CACNA1A: variants seen among roughly 807,000 people sequenced by gnomAD.
CACNA1A encodes voltage-dependent P/Q-type calcium channel subunit alpha-1A.
In CACNA1A, 57 loss-of-function variants were observed where a neutral mutation model predicts 262.4. That is an observed-to-expected ratio of 0.22 (90% CI 0.18 to 0.27). CACNA1A has a LOEUF of 0.27. Ranked by LOEUF, CACNA1A falls within the 10% of genes least tolerant of loss-of-function variation. The probability of loss-of-function intolerance (pLI) is 1.00; values close to 1 mark genes in which losing one functional copy is unlikely to be tolerated. For synonymous variants in CACNA1A, 1,431 were observed against 1,419.3 expected, an observed-to-expected ratio of 1.01 and a Z score of -0.18; for missense variants, 2,526 against 3,562.8, an observed-to-expected ratio of 0.71 and a Z score of 7.41.
chr19:13,448,708 A>G (rs990551758), intron 3 of CACNA1A, among the ~76,000 whole-genome samples: 6 of 152,188 alleles, frequency 3.9e-5, no homozygotes, highest in African/African-American at 1.4e-4. Context: ...CGTGCCCTAG[A>G]GAAACTCACT....
intron 19 of CACNA1A, among the ~76,000 whole-genome samples, chr19:13,293,486 C>T (rs545232464): frequency 7.7e-6 from 1 of 129,806 alleles, no homozygotes. Flanking sequence ...CGCTCTGTCT[C>T]CCCGGCTGGA....
chr19:13,323,834 A>C (rs1363458240), intron 10 of CACNA1A, among the ~76,000 whole-genome samples: 1 of 152,164 alleles, frequency 6.6e-6, no homozygotes, highest in Non-Finnish European at 1.5e-5. Context: ...CTGTCCAAAA[A>C]ATCATTCCCG....
rs34775168 is a variant in CACNA1A at position 13,409,376 on chromosome 19, C to CTG, written c.540-37599_540-37598dup. Among the ~76,000 whole-genome samples, 1,332 of 149,108 alleles carry CTG rather than the reference C, an allele frequency of 8.9e-3. 14 individuals carry two copies. The highest frequency in any genetic ancestry group is 0.023 in the African/African-American group (939 of 40,820). ...TGAAATGGTTGATCCTTTGACAATC[C>CTG]TGTGTGTGTGTGTGTGTGTGTTGTG... is the stretch of plus-strand genomic sequence containing the variant. On this transcript the variant is annotated intron_variant, in intron 3 of 46. Coordinates refer to ENST00000360228, the MANE Select transcript of CACNA1A (RefSeq NM_001127222.2).
At chr19:13,228,000 A>C (rs2144613150) in intron 36 of CACNA1A, among the ~76,000 whole-genome samples, 1 of 134,168 alleles carries the variant, frequency 7.5e-6, no homozygotes, top group South Asian at 2.4e-4. Flanking sequence ...TGCAGCCTCC[A>C]CCTCCTGGGC....
Position 13,308,531 on chromosome 19 carries a change from A to G in CACNA1A, c.1669-3T>C, listed in dbSNP as rs750090822. The G allele has an allele frequency of 3.8e-6, 6 of 1,587,630 alleles. No individual in the cohort carries two copies. Among genetic ancestry groups the G allele is most frequent in the South Asian group, 1.1e-5 (1 of 89,228 alleles). ...TCGAAGATGCTCCCAATGATAACCT[A>G]GGGCAGAGAACCTGGTCTCATGTCC... On this transcript the variant is annotated splice_region_variant and splice_polypyrimidine_tract_variant and intron_variant, in intron 12 of 46. Coordinates refer to ENST00000360228, the MANE Select transcript of CACNA1A (RefSeq NM_001127222.2). The surrounding 1 kb of genome is among the most constrained non-coding windows in gnomAD (Gnocchi z 4.2).
intron 37 of CACNA1A, chr19:13,225,001 T>C (rs529239840): frequency 5.6e-5 from 24 of 429,256 alleles, no homozygotes; most frequent in African/African-American, 4.6e-4. Context: ...TCTCCTTTTT[T>C]CCCCCACCTG....
At chr19:13,468,601 A>G (rs1489939699) in intron 1 of CACNA1A, among the ~76,000 whole-genome samples, 2 of 152,176 alleles carry the variant, frequency 1.3e-5, no homozygotes, top group Non-Finnish European at 2.9e-5. Context: ...AGCTTGGTCA[A>G]CATGGTGAAA....
In CACNA1A at chr19:13,455,088, G is replaced by A. The variant is rs753025176; in HGVS notation, c.399+19C>T. The stretch of plus-strand genomic sequence containing the variant: ...CTGCTAAAGCCAAGGAGAAGACCCT[G>A]AGAAAAGACATCACTCACCAGCCGT... On this transcript the variant is annotated intron_variant, in intron 2 of 46. Coordinates refer to ENST00000360228, the MANE Select transcript of CACNA1A (RefSeq NM_001127222.2). The A allele has an allele frequency of 6.7e-7, 1 of 1,498,856 alleles. No homozygotes were observed. Among genetic ancestry groups the A allele is most frequent in the South Asian group, 1.1e-5 (1 of 88,376 alleles). 92.8% of individuals were successfully genotyped at this position (1,498,856 alleles called of 1,614,324 possible). A position where few individuals can be genotyped will look rare whatever the true frequency, so the allele number is the denominator to read the frequency against.
chr19:13,235,248 G>T lies in CACNA1A; in HGVS notation c.5094C>A (p.Ile1698=), dbSNP rs201844207. 9 of 1,600,214 alleles carry T rather than the reference G, an allele frequency of 5.6e-6. No homozygotes were observed. The highest frequency in any genetic ancestry group is 6.8e-6 in the Non-Finnish European group (8 of 1,173,462). ...TGGCATAGATGAAGAAGAGCATGGC[G>T]ATCAGCAGACAGACATAAGGCAGGG... ...FKALPYVCLL[I]AMLFFIYAII... is the part of the protein sequence containing the mutation. Residue 1698 remains isoleucine, a synonymous_variant, in exon 33 of 47, where the codon ATC becomes ATA. Coordinates refer to ENST00000360228, the MANE Select transcript of CACNA1A (RefSeq NM_001127222.2).
At position 13,206,836 on chromosome 19, in the gene CACNA1A, C is replaced by G. The variant is rs1417780835; in HGVS notation, c.*477G>C. Reference sequence around the variant, plus strand: ...TTCTGGTTCCTTCTGGCTTCTTTGCCGCACTCGGCCACCAGCTGTCTTCAT... The same window carrying G: ...TTCTGGTTCCTTCTGGCTTCTTTGCGGCACTCGGCCACCAGCTGTCTTCAT... On this transcript the variant is annotated 3_prime_UTR_variant, in exon 47 of 47. Coordinates refer to ENST00000360228, the MANE Select transcript of CACNA1A (RefSeq NM_001127222.2). 6.5e-6 allele frequency: 1 copy of G among 154,552 alleles called. No homozygotes were observed. The highest frequency in any genetic ancestry group is 2.4e-5 in the African/African-American group (1 of 41,248). 9.6% of individuals were successfully genotyped at this position (154,552 alleles called of 1,614,324 possible). A position where few individuals can be genotyped will look rare whatever the true frequency, so the allele number is the denominator to read the frequency against.
intron 6 of CACNA1A, among the ~76,000 whole-genome samples, chr19:13,346,970 G>A (rs1406140618): frequency 1.3e-5 from 2 of 150,906 alleles, no homozygotes; most frequent in Non-Finnish European, 3.0e-5. Flanking sequence ...ATGAGCCACC[G>A]TGCCAGGCTG....
At chr19:13,413,093 GTTTTTTGTTTTTT>G (rs144487381) in intron 3 of CACNA1A, among the ~76,000 whole-genome samples, 16,498 of 139,396 alleles carry the variant, frequency 0.12, 2,063 homozygotes, top group African/African-American at 0.31. Context: ...TCTACAAAAA[GTTTTTTGTTTTTT>G]TTTTTTGTTT....
chr19:13,227,537 C>T lies in CACNA1A; in HGVS notation c.5529-10G>A. 6.6e-7 allele frequency: 1 copy of T among 1,515,412 alleles called. No individual in the cohort carries two copies. Among genetic ancestry groups the T allele is most frequent in the South Asian group, 1.3e-5 (1 of 78,962 alleles). 93.9% of individuals were successfully genotyped at this position (1,515,412 alleles called of 1,614,324 possible). The stretch of plus-strand genomic sequence containing the variant: ...GTAAGGCATGCGGCCCCTGGCAGCA[C>T]CGAAAATGAAAAAAACAAAAACAAA... On this transcript the variant is annotated splice_polypyrimidine_tract_variant and intron_variant, in intron 36 of 46. Coordinates refer to ENST00000360228, the MANE Select transcript of CACNA1A (RefSeq NM_001127222.2).
chr19:13,224,173 A>T (rs1326584216), intron 38 of CACNA1A, among the ~76,000 whole-genome samples: 1 of 151,924 alleles, frequency 6.6e-6, no homozygotes, highest in East Asian at 1.9e-4. Context: ...AAATATAAAA[A>T]ATTAGCCGGG....
intron 1 of CACNA1A, among the ~76,000 whole-genome samples, chr19:13,504,346 G>A (rs184820916): frequency 4.3e-4 from 65 of 152,232 alleles, no homozygotes; most frequent in African/African-American, 1.6e-3. Flanking sequence ...AGATGGCATC[G>A]TAGTTAGAGG....
chr19:13,386,407 G>A (rs992335070), intron 3 of CACNA1A, among the ~76,000 whole-genome samples: 2 of 152,164 alleles, frequency 1.3e-5, no homozygotes, highest in Non-Finnish European at 2.9e-5. Flanking sequence ...TGAGTCACAT[G>A]GTAAGAGACA....
At chr19:13,434,649 C>G (rs1490301932) in intron 3 of CACNA1A, among the ~76,000 whole-genome samples, 1 of 152,142 alleles carries the variant, frequency 6.6e-6, no homozygotes, top group Non-Finnish European at 1.5e-5. Context: ...GCTTTACCTT[C>G]TGCCATGATT....
intron 1 of CACNA1A, among the ~76,000 whole-genome samples, chr19:13,494,846 A>AC (rs1981306374): frequency 6.6e-6 from 1 of 151,958 alleles, no homozygotes. Context: ...GGGGGAAATC[A>AC]CCCCCATGAT....
chr19:13,240,977 T>C (rs1194252027), intron 31 of CACNA1A, among the ~76,000 whole-genome samples: 3 of 152,244 alleles, frequency 2.0e-5, no homozygotes, highest in Non-Finnish European at 2.9e-5. Context: ...TGCCTGGCCT[T>C]CAGGTCTCCT....
Sources: gnomAD v4.1 joint callset for allele counts (sites outside exome capture counted in the v4.1 genomes callset) on GRCh38, gnomAD v4.1.1 for gene constraint, Gnocchi (gnomAD v3.1) non-coding constraint, MANE v1.5 for transcripts, NCBI Gene and HGNC (gene_info 2026-07-23, HGNC 2026-07-21) for gene names.